The following NBAS variants were observed in gnomAD, a reference collection of about 807,000 sequenced individuals.
NBAS encodes NBAS subunit of NRZ tethering complex.
NBAS carries 219 observed loss-of-function variants against 302.5 expected under a neutral mutation model. That is an observed-to-expected ratio of 0.72 (90% CI 0.65 to 0.81). The LOEUF is 0.81. Ranked by LOEUF, NBAS falls within the 30% of genes least tolerant of loss-of-function variation. NBAS has a pLI of 0.00. For missense variants in NBAS, 2,932 were observed against 2,841.6 expected (o/e 1.03, Z -0.72); for synonymous variants, 1,118 against 1,021.6 (o/e 1.09, Z -1.80).
Position 15,536,545 on chromosome 2 carries a change from T to C in NBAS, c.520A>G (p.Ser174Gly), listed in dbSNP as rs1572985142. The C allele has an allele frequency of 6.2e-7, 1 of 1,606,512 alleles. No homozygotes were observed. The change falls in exon 8 of 52, where the codon AGT (serine) becomes GGT (glycine). Residue 174 changes from serine (S) to glycine (G), a missense_variant. Transcript: ENST00000281513. ...GCATAGCTTAAGTCACCTATAAAAC[T>C]AGATGCCTACAGAAGAGGGGGAAAT... The part of the protein sequence containing the change: ...SELFVISPAS[S>G]FIGDLSYAIA...
At chr2:15,302,663 G>T (rs1186400902) in intron 40 of NBAS, among the ~76,000 whole-genome samples, 1 of 152,146 alleles carries the variant, frequency 6.6e-6, no homozygotes, top group Non-Finnish European at 1.5e-5. Context: ...TAGATGTGAT[G>T]GTTAATATTA....
intron 48 of NBAS, among the ~76,000 whole-genome samples, chr2:15,208,323 A>G (rs1390231312): frequency 6.6e-6 from 1 of 152,202 alleles, no homozygotes; most frequent in Non-Finnish European, 1.5e-5. Flanking sequence ...GTATGGGGGA[A>G]AGTGCCCCCG....
the NBAS span, among the ~76,000 whole-genome samples, chr2:14,791,801 C>CAAA: frequency 1.7e-5 from 2 of 115,564 alleles, no homozygotes; most frequent in African/African-American, 4.2e-5. Context: ...GAGACTCCAT[C>CAAA]TCATAAATAA....
chr2:15,465,686 A>G (rs1558364811), intron 19 of NBAS, among the ~76,000 whole-genome samples: 1 of 152,238 alleles, frequency 6.6e-6, no homozygotes, highest in Non-Finnish European at 1.5e-5. Flanking sequence ...AAATTCACCT[A>G]CTTTTCAAGA....
the NBAS span, among the ~76,000 whole-genome samples, chr2:14,998,926 C>G: frequency 6.6e-6 from 1 of 152,210 alleles, no homozygotes; most frequent in African/African-American, 2.4e-5. Flanking sequence ...ACTCCCAGCA[C>G]GCTGGCAATC....
At chr2:14,952,467 C>A in the NBAS span, among the ~76,000 whole-genome samples, 1 of 152,152 alleles carries the variant, frequency 6.6e-6, no homozygotes, top group African/African-American at 2.4e-5. Context: ...CAAGAAGAAC[C>A]CAGGGATAAC....
At chr2:15,275,079 G>A (rs1168266373) in intron 44 of NBAS, among the ~76,000 whole-genome samples, 2 of 151,956 alleles carry the variant, frequency 1.3e-5, no homozygotes, top group Non-Finnish European at 2.9e-5. Flanking sequence ...CGCTATGCCC[G>A]GCCAATAACT....
At chr2:14,983,323 T>C in the NBAS span, among the ~76,000 whole-genome samples, 1 of 152,198 alleles carries the variant, frequency 6.6e-6, no homozygotes, top group East Asian at 1.9e-4. Flanking sequence ...GAAAGTTAAC[T>C]TAAAAAATTA....
the NBAS span, among the ~76,000 whole-genome samples, chr2:14,861,114 C>A: frequency 6.6e-6 from 1 of 152,124 alleles, no homozygotes; most frequent in African/African-American, 2.4e-5. Context: ...TGTAATCTAT[C>A]TCATTGTCAG....
chr2:15,255,946 A>T (rs1253878058), intron 44 of NBAS, among the ~76,000 whole-genome samples: 1 of 152,146 alleles, frequency 6.6e-6, no homozygotes, highest in Non-Finnish European at 1.5e-5. Context: ...TGTTTTGGTA[A>T]CTATTAATAT....
At chr2:15,292,020 G>A (rs577856467) in intron 41 of NBAS, among the ~76,000 whole-genome samples, 5 of 152,122 alleles carry the variant, frequency 3.3e-5, no homozygotes, top group Admixed American at 2.6e-4. Context: ...CCCAAGCTGG[G>A]GTGGAGTGCA....
chr2:14,839,663 C>G, the NBAS span, among the ~76,000 whole-genome samples: 1 of 151,954 alleles, frequency 6.6e-6, no homozygotes, highest in Non-Finnish European at 1.5e-5. Flanking sequence ...ACAGGTGGCA[C>G]GTCAATTCAT....
intron 7 of NBAS, chr2:15,538,446 A>G: frequency 2.9e-6 from 1 of 340,782 alleles, no homozygotes; most frequent in Non-Finnish European, 6.0e-6. Context: ...CTAAAAGCTT[A>G]TAAACAATAT....
chr2:15,476,304 T>C (rs1441823938), intron 13 of NBAS, among the ~76,000 whole-genome samples: 1 of 151,958 alleles, frequency 6.6e-6, no homozygotes, highest in East Asian at 1.9e-4. Context: ...CTGAGAGAAA[T>C]ACACCCTTTA....
chr2:15,072,454 T>C, the NBAS span, among the ~76,000 whole-genome samples: 1 of 152,212 alleles, frequency 6.6e-6, no homozygotes, highest in Non-Finnish European at 1.5e-5. Flanking sequence ...TCGCATTTCT[T>C]TTGAATTTTT....
intron 19 of NBAS, among the ~76,000 whole-genome samples, chr2:15,464,955 G>T (rs765119583): frequency 1.3e-5 from 2 of 152,214 alleles, no homozygotes; most frequent in Non-Finnish European, 2.9e-5. Flanking sequence ...ACTCGTCAGA[G>T]AGACCTGATT....
In NBAS at chr2:15,534,232, C is replaced by A. The variant is rs572515022; in HGVS notation, c.746+311G>T. On this transcript the variant is annotated intron_variant, in intron 9 of 51. Coordinates refer to ENST00000281513, the MANE Select transcript of NBAS (RefSeq NM_015909.4). The stretch of plus-strand genomic sequence containing the variant: ...GGGCACTTTATATATAGCACTAGTT[C>A]TCTCACTAATTCTCTTGAGTTATGT... Among the ~76,000 whole-genome samples, 8 of 152,268 alleles carry A rather than the reference C, an allele frequency of 5.3e-5. No homozygotes were observed. In the South Asian group the frequency reaches 1.5e-3, roughly 28 times the overall value.
intron 26 of NBAS, 62 bp downstream of exon 26, chr2:15,402,106 G>C: frequency 6.3e-7 from 1 of 1,591,174 alleles, no homozygotes; most frequent in East Asian, 2.2e-5. Flanking sequence ...GGGAAGCAAC[G>C]TTTTTGTTTT....
intron 44 of NBAS, among the ~76,000 whole-genome samples, chr2:15,266,982 G>A (rs1004758910): frequency 1.3e-5 from 2 of 152,142 alleles, no homozygotes; most frequent in Non-Finnish European, 2.9e-5. Context: ...ATAGTACAGA[G>A]AGATCCTGTG....
Sources: gnomAD v4.1 joint callset for allele counts (sites outside exome capture counted in the v4.1 genomes callset) on GRCh38, gnomAD v4.1.1 for gene constraint, MANE v1.5 for transcripts, NCBI Gene and HGNC (gene_info 2026-07-23, HGNC 2026-07-21) for gene names.